The following MICAL1 variants were observed in gnomAD, a reference collection of about 807,000 sequenced individuals.
MICAL1 encodes [F-actin]-monooxygenase MICAL1.
MICAL1 carries 95 observed loss-of-function variants against 131.8 expected under a neutral mutation model. That is an observed-to-expected ratio of 0.72 (90% CI 0.61 to 0.86). The LOEUF (loss-of-function observed/expected upper bound fraction) is 0.86, where lower values mean the gene tolerates loss of function less well. Among genes scored for constraint, MICAL1 ranks in the 40% least tolerant of loss-of-function variants. The probability of loss-of-function intolerance (pLI) is 0.00; values close to 1 mark genes in which losing one functional copy is unlikely to be tolerated. For synonymous variants in MICAL1, 546 were observed against 554.2 expected (o/e 0.99, Z 0.21); for missense variants, 1,292 against 1,380.6 (o/e 0.94, Z 1.02).
At position 109,448,393 on chromosome 6, in the gene MICAL1, C is replaced by CAGCAGGCCAGG. The variant is rs2115330165; in HGVS notation, c.1665-1_1665insCCTGGCCTGCT (p.Glu556LeufsTer22). On this transcript the variant is annotated frameshift_variant and splice_region_variant. Coordinates refer to ENST00000358807, the MANE Select transcript of MICAL1 (RefSeq NM_022765.4). LOFTEE classifies it high-confidence loss of function. ...CCAGCCCCTGCAGCTCTGAGGGTTC[C>CAGCAGGCCAGG]CTGTGGGATGTCAGGGAGAAAAGCC... is the stretch of plus-strand genomic sequence containing the variant. The CAGCAGGCCAGG allele has an allele frequency of 6.2e-7, 1 of 1,613,090 alleles. No homozygotes were observed. The highest frequency in any genetic ancestry group is 1.3e-5 in the African/African-American group (1 of 75,040).
rs781312968 is a variant in MICAL1, at chr6:109,446,306, C to T, written c.2411G>A (p.Arg804Gln). The T allele has an allele frequency of 6.2e-6, 10 of 1,614,132 alleles. No individual in the cohort carries two copies. The South Asian group carries it at 6.6e-5, about 11-fold the overall frequency. The change falls in exon 19 of 25, where the codon CGG becomes CAG. Residue 804 changes from arginine (R) to glutamine (Q), a missense_variant. By Grantham distance (43) the Arg-to-Gln change is conservative. Transcript: ENST00000358807. ...CTCCGGGCTGGAGAGGCGGATCTGC[C>T]GACGGGTGGGCTGGCTGGGATCTGG... ...PVPDPSQPTR[R>Q]QIRLSSPERQ...
chr6:109,462,403 TA>T (rs2115349438), intron 1 of MICAL1, among the ~76,000 whole-genome samples: 1 of 152,334 alleles, frequency 6.6e-6, no homozygotes, highest in African/African-American at 2.4e-5. Context: ...TGCTATATTG[TA>T]AATCTGTGTG....
chr6:109,452,112 C>G, intron 6 of MICAL1, 134 bp downstream of exon 6: 1 of 1,451,718 alleles, frequency 6.9e-7, no homozygotes, highest in African/African-American at 1.4e-5. Flanking sequence ...CAGGTTCCTT[C>G]TCCTTTGCTG....
intron 5 of MICAL1, 25 bp from the exon 6 acceptor site, chr6:109,452,426 T>C (rs1562292644): frequency 6.2e-7 from 1 of 1,612,342 alleles, no homozygotes; most frequent in Non-Finnish European, 8.5e-7. Flanking sequence ...AGGTGAACAA[T>C]GGCAGGAGGA....
chr6:109,458,208 T>G (rs994283559), upstream of MICAL1, among the ~76,000 whole-genome samples: 1 of 152,228 alleles, frequency 6.6e-6, no homozygotes, highest in Non-Finnish European at 1.5e-5. Flanking sequence ...TGATTCAAAT[T>G]ATGTGTATGT....
chr6:109,450,098 A>G lies in MICAL1; in HGVS notation c.1192-13T>C, dbSNP rs1775474795. 1 of 1,610,942 alleles carries G rather than the reference A, an allele frequency of 6.2e-7. No individual in the cohort carries two copies. Among genetic ancestry groups the G allele is most frequent in the Non-Finnish European group, 8.5e-7 (1 of 1,178,158 alleles). On this transcript the variant is annotated splice_polypyrimidine_tract_variant and intron_variant, in intron 8 of 24. Coordinates refer to ENST00000358807, the MANE Select transcript of MICAL1 (RefSeq NM_022765.4). ...GGGGCCAGAAGGGCTGCAGTGTCAG[A>G]GGAATAGGAAGCAGCTCAGGGAGAA...
At position 109,447,413 on chromosome 6, in the gene MICAL1, C is replaced by T. The variant is rs767924640; in HGVS notation, c.2014G>A (p.Val672Met). The change falls in exon 16 of 25, where the codon GTG (valine) becomes ATG (methionine). Residue 672 changes from valine to methionine, a missense_variant. Val to Met is a conservative substitution (Grantham distance 21). Coordinates refer to ENST00000358807, the MANE Select transcript of MICAL1 (RefSeq NM_022765.4). ...EMEAETPSTEVPPDPEPGVPL... is the reference protein window; with the variant it reads ...EMEAETPSTEMPPDPEPGVPL... ...ACACCAGGCTCTGGGTCAGGTGGCA[C>T]CTCAGTACTTGGGGTCTCGGCCTCC... is the stretch of plus-strand genomic sequence containing the variant. 14 of 1,613,544 alleles carry T rather than the reference C, an allele frequency of 8.7e-6. No homozygotes were observed. Among genetic ancestry groups the T allele is most frequent in the African/African-American group, 6.7e-5 (5 of 74,838 alleles).
chr6:109,461,572 T>C (rs1428071526), intron 1 of MICAL1, among the ~76,000 whole-genome samples: 1 of 152,076 alleles, frequency 6.6e-6, no homozygotes, highest in East Asian at 1.9e-4. Context: ...AGACCCTGTC[T>C]CCACTTAAAA....
chr6:109,451,728 A>T lies in MICAL1; in HGVS notation c.833-28T>A, dbSNP rs377385080. On this transcript the variant is annotated intron_variant, in intron 6 of 24. Transcript: ENST00000358807. ...GGGGGTACAGGGCAGGGGACAGTAG[A>T]TATGTCTCCTGATAATGCATCACCT... 24 of 1,612,238 alleles carry T rather than the reference A, an allele frequency of 1.5e-5. No individual in the cohort carries two copies. In the African/African-American group the frequency reaches 1.7e-4, roughly 12 times the overall value.
At chr6:109,457,265 C>T (rs9487111), upstream of MICAL1, among the ~76,000 whole-genome samples, 2 of 152,144 alleles carry the variant, frequency 1.3e-5, no homozygotes. Context: ...CAGTTGGGCC[C>T]ATCCTAGCTT....
intron 15 of MICAL1, 88 bp from the exon 16 acceptor site, chr6:109,447,528 G>A (rs1775287513): frequency 3.3e-6 from 5 of 1,528,190 alleles, no homozygotes; most frequent in South Asian, 1.2e-5. Context: ...GGGGCTGAAG[G>A]GAAGGGGAGT....
chr6:109,452,985 C>T (rs1467100213), intron 4 of MICAL1, among the ~76,000 whole-genome samples: 3 of 151,972 alleles, frequency 2.0e-5, no homozygotes, highest in Non-Finnish European at 4.4e-5. Flanking sequence ...AGTGAAACCC[C>T]GTCTCTACTT....
chr6:109,452,855 C>G (rs1178118145), intron 4 of MICAL1, among the ~76,000 whole-genome samples: 1 of 152,150 alleles, frequency 6.6e-6, no homozygotes, highest in Admixed American at 6.5e-5. Flanking sequence ...CAAGGCCACA[C>G]TATTAGAAAA....
intron 18 of MICAL1, 78 bp downstream of exon 18, chr6:109,446,618 C>T: frequency 6.7e-7 from 1 of 1,488,508 alleles, no homozygotes; most frequent in Non-Finnish European, 9.3e-7. Context: ...ATTCAGTTAC[C>T]CCCAGCAAAG....
chr6:109,456,349 C>CA (rs1315259282), upstream of MICAL1, among the ~76,000 whole-genome samples: 1 of 152,216 alleles, frequency 6.6e-6, no homozygotes, highest in African/African-American at 2.4e-5. Flanking sequence ...CCTGGAGATC[C>CA]ACGGCCCGGG....
chr6:109,457,538 G>A (rs1008105019), upstream of MICAL1, among the ~76,000 whole-genome samples: 1 of 34,062 alleles, frequency 2.9e-5, no homozygotes, highest in African/African-American at 2.2e-4. Context: ...TTGAGATCCA[G>A]AGACCATAAG....
At chr6:109,465,534 G>T in intron 1 of MICAL1, 1 of 1,022,272 alleles carries the variant, frequency 9.8e-7, no homozygotes, top group African/African-American at 1.6e-5. Flanking sequence ...CTATGGCTGT[G>T]AACATTTAAA....
Position 109,447,091 on chromosome 6 carries a change from C to G in MICAL1, c.2209G>C (p.Glu737Gln). ...CACTCACCATCTCCTGGGTGCTGCTCGTAGCCACCTGGCCACAGTGTGGCC... is the reference window on the plus strand; with the variant it reads ...CACTCACCATCTCCTGGGTGCTGCTGGTAGCCACCTGGCCACAGTGTGGCC... The part of the protein sequence containing the change: ...CEATLWPGGY[E>Q]QHPGDGHFYC... Residue 737 changes from glutamate (E) to glutamine (Q), a missense_variant, in exon 17 of 25, where the codon GAG (glutamate) becomes CAG (glutamine). Transcript: ENST00000358807. The G allele has an allele frequency of 1.2e-6, 2 of 1,614,048 alleles. No individual in the cohort carries two copies. Among genetic ancestry groups the G allele is most frequent in the Non-Finnish European group, 1.7e-6 (2 of 1,179,994 alleles).
At chr6:109,462,941 A>G (rs961275866) in intron 1 of MICAL1, 1 of 152,254 alleles carries the variant, frequency 6.6e-6, no homozygotes, top group East Asian at 1.9e-4. Flanking sequence ...TCAAGGACAC[A>G]TGAGAAGTAC....
Sources: allele counts gnomAD v4.1 joint callset (sites outside exome capture counted in the v4.1 genomes callset), GRCh38; gene constraint gnomAD v4.1.1; transcripts MANE v1.5; gene names NCBI Gene and HGNC (gene_info 2026-07-23, HGNC 2026-07-21).